Variants in CORO2B observed in about 807,000 individuals in gnomAD.
CORO2B encodes coronin 2B.
A neutral mutation model predicts 58.8 loss-of-function variants in CORO2B; 26 were observed. That is an observed-to-expected ratio of 0.44 (90% CI 0.32 to 0.61). CORO2B has a LOEUF of 0.61. Among genes scored for constraint, CORO2B ranks in the 20% least tolerant of loss-of-function variants. The pLI is 0.04. For synonymous variants in CORO2B, 242 were observed against 253.8 expected, an observed-to-expected ratio of 0.95 and a Z score of 0.44; for missense variants, 460 against 645.1, an observed-to-expected ratio of 0.71 and a Z score of 3.11.
chr15:68,656,968 G>A (rs550422063), intron 2 of CORO2B, among the ~76,000 whole-genome samples: 162 of 152,198 alleles, frequency 1.1e-3, no homozygotes, highest in African/African-American at 3.8e-3. Context: ...TCCCCACCTA[G>A]GGTCCAGTCC....
intron 3 of CORO2B, among the ~76,000 whole-genome samples, chr15:68,696,915 G>A (rs115146105): frequency 3.3e-5 from 5 of 152,200 alleles, no homozygotes; most frequent in South Asian, 2.1e-4. Flanking sequence ...CCTGGGTACC[G>A]GTCAGATTTT....
At chr15:68,607,030 G>C (rs1162727307) in intron 1 of CORO2B, among the ~76,000 whole-genome samples, 1 of 152,124 alleles carries the variant, frequency 6.6e-6, no homozygotes, top group Non-Finnish European at 1.5e-5. Flanking sequence ...AGTCTCCCCT[G>C]GTTTTCTCCC....
In CORO2B at chr15:68,673,895, G is replaced by A. The variant is rs377641781; in HGVS notation, c.217-21245G>A. Among the ~76,000 whole-genome samples, 11 of 150,942 alleles carry A rather than the reference G, an allele frequency of 7.3e-5. 1 individual carries two copies. In the East Asian group the frequency reaches 1.8e-3, roughly 24 times the overall value. On this transcript the variant is annotated intron_variant, in intron 2 of 11. Coordinates refer to ENST00000261861, the MANE Select transcript of CORO2B (RefSeq NM_006091.5). ...CGCTAAGACCCACAGCACCGTGGGT[G>A]ACTAACTAGGAAAGGGACTCCAGCT...
At chr15:68,723,804 T>C (rs9672449) in intron 11 of CORO2B, among the ~76,000 whole-genome samples, 122,265 of 152,144 alleles carry the variant, frequency 0.8, 53,409 homozygotes, top group Non-Finnish European at 0.96. Flanking sequence ...ATGCGAGGTG[T>C]AGTGGCACCC....
the CORO2B span, among the ~76,000 whole-genome samples, chr15:68,539,505 T>C: frequency 6.6e-6 from 1 of 151,698 alleles, no homozygotes; most frequent in Admixed American, 6.6e-5. Flanking sequence ...AAACCCCATC[T>C]CCACTAAAAA....
intron 2 of CORO2B, among the ~76,000 whole-genome samples, chr15:68,688,927 G>GT (rs1442851631): frequency 1.3e-5 from 2 of 152,028 alleles, no homozygotes; most frequent in African/African-American, 4.8e-5. Flanking sequence ...GGGCGTCCAT[G>GT]CCCTCCTCCT....
intron 2 of CORO2B, among the ~76,000 whole-genome samples, chr15:68,654,579 A>G (rs1901743588): frequency 6.6e-6 from 1 of 152,180 alleles, no homozygotes; most frequent in African/African-American, 2.4e-5. Flanking sequence ...TGGAAGTTGT[A>G]GCTCCACCCC....
the CORO2B span, among the ~76,000 whole-genome samples, chr15:68,567,200 G>C: frequency 1.3e-5 from 2 of 152,196 alleles, no homozygotes; most frequent in African/African-American, 4.8e-5. Context: ...TGGGCTCTTT[G>C]CCTGGATCTA....
the CORO2B span, among the ~76,000 whole-genome samples, chr15:68,527,928 G>A: frequency 1.3e-5 from 2 of 151,916 alleles, no homozygotes. Flanking sequence ...TTTATTTCTA[G>A]CTATTGTTGT....
chr15:68,665,175 G>A (rs79413458), intron 2 of CORO2B, among the ~76,000 whole-genome samples: 32 of 152,274 alleles, frequency 2.1e-4, no homozygotes, highest in African/African-American at 7.7e-4. Flanking sequence ...ATGAGGTATA[G>A]ATTAACTTTT....
chr15:68,678,860 G>A (rs1002013403), intron 2 of CORO2B, among the ~76,000 whole-genome samples: 1 of 152,194 alleles, frequency 6.6e-6, no homozygotes. Context: ...GGAAGAACTA[G>A]AGTAGAAAAT....
Position 68,727,616 on chromosome 15 carries a change from T to G in CORO2B, c.*1642T>G, listed in dbSNP as rs1453070763. 1 of 152,224 alleles carries G rather than the reference T, an allele frequency of 6.6e-6. No homozygotes were observed. The highest frequency in any genetic ancestry group is 2.4e-5 in the African/African-American group (1 of 41,262). 9.4% of individuals were successfully genotyped at this position (152,224 alleles called of 1,614,324 possible). On this transcript the variant is annotated 3_prime_UTR_variant, in exon 12 of 12. Transcript: ENST00000261861. ...TGGGCCTTTCCTTTATGAACCTCCA[T>G]CCTCCCAGCCAGCTACAGTAGGGCC...
chr15:68,632,849 C>T (rs746470786), intron 1 of CORO2B, among the ~76,000 whole-genome samples: 1 of 152,212 alleles, frequency 6.6e-6, no homozygotes, highest in Non-Finnish European at 1.5e-5. Flanking sequence ...GCCTTGGTCC[C>T]CCTAAGTGCT....
In CORO2B at chr15:68,645,921, G is replaced by A. The variant is rs28378879; in HGVS notation, c.216+561G>A. Among the ~76,000 whole-genome samples the A allele has an allele frequency of 0.029, 4,452 of 151,944 alleles. 224 individuals are homozygous for A. The highest frequency in any genetic ancestry group is 0.099 in the African/African-American group (4,107 of 41,398). On this transcript the variant is annotated intron_variant, in intron 2 of 11. Coordinates refer to ENST00000261861, the MANE Select transcript of CORO2B (RefSeq NM_006091.5). This position sits in a 1 kb window ranked among gnomAD's most constrained non-coding sequence, Gnocchi z 4.5. The stretch of plus-strand genomic sequence containing the variant: ...CCCGAGAAGCTGGGATTGCAGGCAC[G>A]TGCCACCACGCCCAGCTAATTTTTG...
chr15:68,531,507 G>A, the CORO2B span, among the ~76,000 whole-genome samples: 1 of 4,528 alleles, frequency 2.2e-4, no homozygotes, highest in African/African-American at 7.5e-4. Flanking sequence ...AAAAAAGGAA[G>A]GAAGGAAGGA....
intron 3 of CORO2B, among the ~76,000 whole-genome samples, chr15:68,702,849 C>T (rs537762343): frequency 4.1e-5 from 4 of 96,688 alleles, no homozygotes; most frequent in South Asian, 3.3e-4. Context: ...TTTTTTGAGA[C>T]AGAGTCTCAC....
intron 3 of CORO2B, among the ~76,000 whole-genome samples, chr15:68,703,604 T>C (rs1434082566): frequency 6.6e-6 from 1 of 152,192 alleles, no homozygotes; most frequent in Admixed American, 6.5e-5. Flanking sequence ...TGAACTTCTA[T>C]ACCATATATA....
At chr15:68,699,708 T>A (rs1441683279) in intron 3 of CORO2B, among the ~76,000 whole-genome samples, 1 of 152,124 alleles carries the variant, frequency 6.6e-6, no homozygotes, top group Non-Finnish European at 1.5e-5. Context: ...TGAGGCTGGA[T>A]CCCAACCTCT....
chr15:68,661,693 G>A (rs1566999485), intron 2 of CORO2B, among the ~76,000 whole-genome samples: 1 of 152,104 alleles, frequency 6.6e-6, no homozygotes, highest in Non-Finnish European at 1.5e-5. Context: ...TCCAGAACAG[G>A]GCACTTTCGT....
Sources: gnomAD v4.1 joint callset for allele counts (sites outside exome capture counted in the v4.1 genomes callset) on GRCh38, gnomAD v4.1.1 for gene constraint, Gnocchi (gnomAD v3.1) non-coding constraint, MANE v1.5 for transcripts, NCBI Gene and HGNC (gene_info 2026-07-23, HGNC 2026-07-21) for gene names.